Variants in ZNF280D observed in about 807,000 individuals in gnomAD.
The protein encoded by ZNF280D is suppressor of hairy wing homolog 4.
ZNF280D carries 39 observed loss-of-function variants against 94.7 expected under a neutral mutation model. The ratio of observed to expected loss-of-function variants is 0.41; its 90% CI spans 0.32 to 0.54. The LOEUF is 0.54. Ranked by LOEUF, ZNF280D falls within the 20% of genes least tolerant of loss-of-function variation. The probability of loss-of-function intolerance (pLI) is 0.22; values close to 1 mark genes in which losing one functional copy is unlikely to be tolerated. For synonymous variants in ZNF280D, 398 were observed against 377.6 expected, an observed-to-expected ratio of 1.05 and a Z score of -0.63; for missense variants, 1,090 against 1,149.3, an observed-to-expected ratio of 0.95 and a Z score of 0.75.
chr15:56,655,843 C>A (rs1294304883), intron 17 of ZNF280D, among the ~76,000 whole-genome samples: 3 of 152,072 alleles, frequency 2.0e-5, no homozygotes, highest in African/African-American at 7.2e-5. Context: ...TTGGTTACAC[C>A]AAGCATTTGA....
Position 56,676,817 on chromosome 15 carries a change from C to T in ZNF280D, c.1264-1G>A, listed in dbSNP as rs1221056502. 6.3e-7 allele frequency: 1 copy of T among 1,576,810 alleles called. No individual in the cohort carries two copies. The highest frequency in any genetic ancestry group is 1.9e-5 in the Admixed American group (1 of 53,396). On this transcript the variant is annotated splice_acceptor_variant, in intron 12 of 21. Transcript: ENST00000267807. LOFTEE classifies it high-confidence loss of function. ...ATGATGATGATCTATAATTACAAAC[C>T]TAAAAAAAGAAAGAAGGCTTAGTTT...
At chr15:56,639,301 A>T (rs2052510137) in intron 20 of ZNF280D, among the ~76,000 whole-genome samples, 1 of 151,504 alleles carries the variant, frequency 6.6e-6, no homozygotes, top group Non-Finnish European at 1.5e-5. Flanking sequence ...AAAAAAAAAA[A>T]GGAGTTGATG....
Position 56,693,168 on chromosome 15 carries a change from C to T in ZNF280D, c.429G>A (p.Glu143=), listed in dbSNP as rs749520374. The part of the protein sequence containing the change: ...SSRVVSNKSS[E]LLFDLTQDTG... ...TATCCTGGGTCAAGTCAAACAGTAACTCTGATGACTTATTAGACACAACTC... is the reference window on the plus strand; with the variant it reads ...TATCCTGGGTCAAGTCAAACAGTAATTCTGATGACTTATTAGACACAACTC... Residue 143 remains glutamate (E), a synonymous_variant, in exon 7 of 22, where the codon GAG becomes GAA. Transcript: ENST00000267807. 6.2e-7 allele frequency: 1 copy of T among 1,603,300 alleles called. No individual in the cohort carries two copies. The highest frequency in any genetic ancestry group is 1.1e-5 in the South Asian group (1 of 88,132).
rs2054557107 is a variant in ZNF280D, at chr15:56,669,864, ATATATATTTTATATATATATATAT to A, written c.1411-931_1411-908del. Among the ~76,000 whole-genome samples the A allele has an allele frequency of 2.6e-4, 3 of 11,332 alleles. 1 individual carries two copies. The highest frequency in any genetic ancestry group is 7.3e-4 in the African/African-American group (3 of 4,122). The allele number at this position is 11,332 out of a possible 152,430, so 7.4% of individuals were successfully genotyped here. A position where few individuals can be genotyped will look rare whatever the true frequency, so the allele number is the denominator to read the frequency against. On this transcript the variant is annotated intron_variant, in intron 13 of 21. Coordinates refer to ENST00000267807, the MANE Select transcript of ZNF280D (RefSeq NM_017661.4). ...TTTTTACCCTCATTATTTTATATAT[ATATATATTTTATATATATATATAT>A]TATATATATATATAATATATATATA...
At chr15:56,685,892 AAGAAG>A (rs2055973558) in intron 9 of ZNF280D, among the ~76,000 whole-genome samples, 1 of 152,198 alleles carries the variant, frequency 6.6e-6, no homozygotes, top group Admixed American at 6.5e-5. Context: ...CCACTATTAA[AAGAAG>A]AGATTTTCAT....
chr15:56,715,392 G>A (rs1427551163), intron 1 of ZNF280D, among the ~76,000 whole-genome samples: 4 of 152,080 alleles, frequency 2.6e-5, no homozygotes, highest in African/African-American at 4.8e-5. Context: ...CCACTCACTA[G>A]AGTTTGGTGT....
Position 56,666,709 on chromosome 15 carries a change from C to T in ZNF280D, c.1823G>A (p.Ser608Asn). ...QSTLASSNKK[S>N]KVNTALRNLR... ...ATTCCTCAATGCTGTATTGACTTTA[C>T]TTTTTTTATTGCTACTAGCCAATGT... The change falls in exon 15 of 22, where the codon AGT becomes AAT. Residue 608 changes from serine (S) to asparagine (N), a missense_variant. This residue lies in a region of ZNF280D where 577 missense variants were observed against 568.8 expected (regional missense o/e 1.01). Coordinates refer to ENST00000267807, the MANE Select transcript of ZNF280D (RefSeq NM_017661.4). The T allele has an allele frequency of 6.2e-7, 1 of 1,609,914 alleles. No homozygotes were observed. Among genetic ancestry groups the T allele is most frequent in the South Asian group, 1.1e-5 (1 of 90,226 alleles).
intron 4 of ZNF280D, among the ~76,000 whole-genome samples, chr15:56,702,091 GA>G (rs2057114936): frequency 7.0e-6 from 1 of 142,774 alleles, no homozygotes; most frequent in African/African-American, 2.6e-5. Context: ...ACAGTAGAAA[GA>G]AACCAGATCC....
At chr15:56,645,008 CAAT>C (rs2052808802) in intron 19 of ZNF280D, 1 of 152,000 alleles carries the variant, frequency 6.6e-6, no homozygotes. Context: ...GAAAAGCACA[CAAT>C]AAATTTTAAA....
rs2055320526 is a variant in ZNF280D at position 56,677,636 on chromosome 15, G to A, written c.1201C>T (p.His401Tyr). The A allele has an allele frequency of 6.2e-7, 1 of 1,605,154 alleles. No homozygotes were observed. Among genetic ancestry groups the A allele is most frequent in the Non-Finnish European group, 8.5e-7 (1 of 1,175,854 alleles). The change falls in exon 12 of 22, where the codon CAT becomes TAT. Residue 401 changes from histidine to tyrosine, a missense_variant. Coordinates refer to ENST00000267807, the MANE Select transcript of ZNF280D (RefSeq NM_017661.4). ...KICELSFETE[H>Y]VLLQHMKDNH... is the part of the protein sequence containing the mutation. ...TCCTTCATATGTTGTAAAAGAACAT[G>A]TTCTGTTTCAAATGACAATTCACAG...
chr15:56,639,065 T>C (rs2052493085), intron 20 of ZNF280D, among the ~76,000 whole-genome samples: 1 of 151,892 alleles, frequency 6.6e-6, no homozygotes, highest in African/African-American at 2.4e-5. Flanking sequence ...ATATATACAA[T>C]ATTTAATATC....
chr15:56,651,637 G>A (rs1202469439), intron 19 of ZNF280D, among the ~76,000 whole-genome samples: 3 of 151,910 alleles, frequency 2.0e-5, no homozygotes, highest in African/African-American at 7.3e-5. Flanking sequence ...CCACCCCACA[G>A]GTCGCCCCTA....
At chr15:56,703,253 T>C (rs1329819920) in intron 4 of ZNF280D, among the ~76,000 whole-genome samples, 1 of 152,174 alleles carries the variant, frequency 6.6e-6, no homozygotes. Context: ...TGCTACATCA[T>C]CCAAGTACAG....
chr15:56,676,023 G>A (rs919346045), intron 13 of ZNF280D, among the ~76,000 whole-genome samples: 5 of 151,468 alleles, frequency 3.3e-5, no homozygotes, highest in African/African-American at 1.2e-4. Flanking sequence ...CAGAATTCAA[G>A]GGAGGGGTAC....
At chr15:56,671,026 G>A (rs762256836) in intron 13 of ZNF280D, among the ~76,000 whole-genome samples, 8 of 151,658 alleles carry the variant, frequency 5.3e-5, no homozygotes, top group Non-Finnish European at 8.8e-5. Flanking sequence ...AATGGGGTTG[G>A]TTTCTTTCTT....
intron 13 of ZNF280D, among the ~76,000 whole-genome samples, chr15:56,673,928 T>C (rs2055043979): frequency 6.6e-6 from 1 of 152,042 alleles, no homozygotes; most frequent in African/African-American, 2.4e-5. Context: ...CTCCCCAATC[T>C]TTAGCACTCC....
chr15:56,722,792 G>A (rs1463915604), intron 1 of ZNF280D, among the ~76,000 whole-genome samples: 12 of 151,788 alleles, frequency 7.9e-5, no homozygotes, highest in South Asian at 2.1e-4. Flanking sequence ...TGTTTATTGC[G>A]GCATTATTCA....
Position 56,631,169 on chromosome 15 carries a change from T to G in ZNF280D, c.*329A>C. The G allele has an allele frequency of 4.7e-6, 1 of 211,650 alleles. No homozygotes were observed. The highest frequency in any genetic ancestry group is 9.5e-6 in the Non-Finnish European group (1 of 104,720). 13.1% of individuals were successfully genotyped at this position (211,650 alleles called of 1,614,324 possible). A position where few individuals can be genotyped will look rare whatever the true frequency, so the allele number is the denominator to read the frequency against. On this transcript the variant is annotated 3_prime_UTR_variant, in exon 22 of 22. Transcript: ENST00000267807. ...AGGATTGATGGAAGTTTGAAAGGCT[T>G]TATAAATATTACTAATATCATCAAT...
chr15:56,716,123 C>G (rs993285665), intron 1 of ZNF280D, among the ~76,000 whole-genome samples: 1 of 152,060 alleles, frequency 6.6e-6, no homozygotes, highest in African/African-American at 2.4e-5. Flanking sequence ...CTCATGAATA[C>G]TAAGGGACAG....
Sources: gnomAD v4.1 joint callset for allele counts (sites outside exome capture counted in the v4.1 genomes callset) on GRCh38, gnomAD v4.1.1 for gene constraint, gnomAD v4.1.1 regional missense constraint, MANE v1.5 for transcripts, NCBI Gene and HGNC (gene_info 2026-07-23, HGNC 2026-07-21) for gene names.